The following DMD variants were observed in gnomAD, a reference collection of about 807,000 sequenced individuals.
DMD encodes dystrophin.
In DMD, 63 loss-of-function variants were observed where a neutral mutation model predicts 330.1. The ratio of observed to expected loss-of-function variants is 0.19; its 90% CI spans 0.16 to 0.24. The LOEUF is 0.24. Among genes scored for constraint, DMD ranks in the 10% least tolerant of loss-of-function variants. The pLI is 1.00. For synonymous variants in DMD, 1,223 were observed against 959.8 expected, an observed-to-expected ratio of 1.27 and a Z score of -5.07; for missense variants, 3,344 against 2,684.1, an observed-to-expected ratio of 1.25 and a Z score of -5.43.
rs755951991 is a variant in DMD at position 32,884,395 on chromosome X, C to T, written c.94-34575G>A. 3.6e-5 allele frequency among the ~76,000 whole-genome samples: 4 copies of T among 112,045 alleles called. No homozygotes were observed. In the East Asian group the frequency reaches 1.1e-3, roughly 31 times the overall value. ...CAATTTAACAACAATTAGTTAAAAG[C>T]GGTACCAACAGCTACTTTTATTGAG... On this transcript the variant is annotated intron_variant, in intron 2 of 78. Coordinates refer to ENST00000357033, the MANE Select transcript of DMD (RefSeq NM_004006.3).
intron 1 of DMD, among the ~76,000 whole-genome samples, chrX:33,236,326 G>A (rs770128429): frequency 1.4e-3 from 146 of 105,292 alleles, no homozygotes; most frequent in African/African-American, 4.8e-3. Flanking sequence ...GTGCAATGGC[G>A]CGATCTCGGC....
At chrX:33,328,706 A>G (rs2054126118) in intron 1 of DMD, among the ~76,000 whole-genome samples, 2 of 111,507 alleles carry the variant, frequency 1.8e-5, no homozygotes, top group African/African-American at 6.5e-5. Flanking sequence ...TTTACTAGAA[A>G]AAAACCCTTT....
chrX:31,782,850 C>A (rs1430873457), intron 50 of DMD, among the ~76,000 whole-genome samples: 2 of 111,741 alleles, frequency 1.8e-5, no homozygotes, highest in Non-Finnish European at 1.9e-5. Context: ...TTCACATAGT[C>A]ACTCTATGAG....
At chrX:32,893,849 C>A (rs1209084325) in intron 2 of DMD, among the ~76,000 whole-genome samples, 2 of 111,332 alleles carry the variant, frequency 1.8e-5, no homozygotes, top group Non-Finnish European at 3.8e-5. Context: ...AATGTGATAG[C>A]CTTTGGTCAA....
chrX:31,727,257 T>C (rs995968395), intron 52 of DMD, among the ~76,000 whole-genome samples: 2 of 112,332 alleles, frequency 1.8e-5, no homozygotes, highest in Admixed American at 9.4e-5. Context: ...CAGTCTCATA[T>C]TGAGTAAATC....
rs190630675 is a variant in DMD, at chrX:32,511,830, C to T, written c.2292+6178G>A. ...CATAACATACAGTTTTTAAATTATG[C>T]TATTAACATATAGAATACTAAATAC... On this transcript the variant is annotated intron_variant, in intron 18 of 78. Coordinates refer to ENST00000357033, the MANE Select transcript of DMD (RefSeq NM_004006.3). Among the ~76,000 whole-genome samples the T allele has an allele frequency of 9.0e-3, 1,007 of 111,331 alleles. 18 individuals are homozygous for T. Among genetic ancestry groups the T allele is most frequent in the Admixed American group, 0.061 (641 of 10,464 alleles).
intron 5 of DMD, among the ~76,000 whole-genome samples, chrX:32,819,399 G>C (rs2078033997): frequency 9.0e-6 from 1 of 110,898 alleles, no homozygotes; most frequent in East Asian, 2.8e-4. Context: ...GCTCACCACT[G>C]TTAGCAAGAT....
intron 63 of DMD, among the ~76,000 whole-genome samples, chrX:31,245,817 C>T (rs191967709): frequency 9.0e-6 from 1 of 111,386 alleles, no homozygotes; most frequent in Admixed American, 9.6e-5. Context: ...ACCAGCTGTT[C>T]CCCCATCTCT....
At chrX:32,867,824 T>A (rs1047207039) in intron 2 of DMD, among the ~76,000 whole-genome samples, 13 of 111,649 alleles carry the variant, frequency 1.2e-4, no homozygotes, top group Non-Finnish European at 2.1e-4. Flanking sequence ...ACCTTAAATT[T>A]AAATAATGGC....
At chrX:32,562,861 G>A (rs1291877947) in intron 16 of DMD, among the ~76,000 whole-genome samples, 1 of 111,318 alleles carries the variant, frequency 9.0e-6, no homozygotes, top group Non-Finnish European at 1.9e-5. Context: ...CTCAAAAACA[G>A]CCAGCAAAGA....
intron 44 of DMD, among the ~76,000 whole-genome samples, chrX:32,210,049 G>A (rs2097087577): frequency 9.0e-6 from 1 of 111,496 alleles, no homozygotes; most frequent in Non-Finnish European, 1.9e-5. Flanking sequence ...TTTCCAAGCA[G>A]CAATAAAAGG....
At chrX:31,372,439 C>T (rs1267965869) in intron 60 of DMD, among the ~76,000 whole-genome samples, 4 of 111,727 alleles carry the variant, frequency 3.6e-5, no homozygotes, top group Admixed American at 1.9e-4. Context: ...GCTTTGACTC[C>T]ACATTTTAAC....
intron 2 of DMD, among the ~76,000 whole-genome samples, chrX:32,964,599 T>C (rs1035760675): frequency 1.0e-4 from 11 of 110,218 alleles, no homozygotes. Flanking sequence ...TCCCAGCTAC[T>C]AGGGAGGCTG....
At chrX:31,166,789 T>A (rs2039462643) in intron 74 of DMD, among the ~76,000 whole-genome samples, 1 of 111,506 alleles carries the variant, frequency 9.0e-6, no homozygotes, top group Admixed American at 9.5e-5. Context: ...CTTTGGAATT[T>A]GGTAGAAGGT....
chrX:32,429,954 T>A (rs767424121), intron 29 of DMD, among the ~76,000 whole-genome samples: 20 of 111,727 alleles, frequency 1.8e-4, no homozygotes, highest in Non-Finnish European at 3.4e-4. Flanking sequence ...TTTCTACTAC[T>A]TCTAATTCTT....
intron 7 of DMD, among the ~76,000 whole-genome samples, chrX:32,711,266 C>G (rs1008723802): frequency 1.8e-5 from 2 of 111,478 alleles, no homozygotes; most frequent in African/African-American, 3.3e-5. Context: ...GTCGGCCTCT[C>G]TCAAATACCT....
rs765388500 is a variant in DMD at position 32,077,450 on chromosome X, TG to T, written c.6439-108937del. 4.9e-3 allele frequency among the ~76,000 whole-genome samples: 546 copies of T among 111,972 alleles called. 5 individuals carry two copies. Among genetic ancestry groups the T allele is most frequent in the Non-Finnish European group, 8.4e-3 (444 of 53,151 alleles). On this transcript the variant is annotated intron_variant, in intron 44 of 78. Coordinates refer to ENST00000357033, the MANE Select transcript of DMD (RefSeq NM_004006.3). The stretch of plus-strand genomic sequence containing the variant: ...CAATTCTCTGAAAGTTATATAAATG[TG>T]ATAAAATAGAATATAAGAGGAATGT...
intron 7 of DMD, among the ~76,000 whole-genome samples, chrX:32,740,931 C>CT (rs1177128114): frequency 9.0e-6 from 1 of 111,510 alleles, no homozygotes; most frequent in East Asian, 2.8e-4. Context: ...ATTTATGACT[C>CT]TAAAACTTAA....
At chrX:33,302,924 C>CCTCTGGAAAT (rs2053688479) in intron 1 of DMD, among the ~76,000 whole-genome samples, 1 of 111,790 alleles carries the variant, frequency 8.9e-6, no homozygotes, top group Non-Finnish European at 1.9e-5. Flanking sequence ...CTGGACTCTA[C>CCTCTGGAAAT]GTATTCATAC....
Sources: gnomAD v4.1 joint callset for allele counts (sites outside exome capture counted in the v4.1 genomes callset) on GRCh38, gnomAD v4.1.1 for gene constraint, MANE v1.5 for transcripts, NCBI Gene and HGNC (gene_info 2026-07-23, HGNC 2026-07-21) for gene names.